Variants in NOX4 observed in about 807,000 individuals in gnomAD.
The protein encoded by NOX4 is NADPH oxidase 4.
A neutral mutation model predicts 87.6 loss-of-function variants in NOX4; 69 were observed. The observed-to-expected ratio is 0.79, with a 90% confidence interval of 0.65 to 0.96. NOX4 has a LOEUF of 0.96. NOX4 is among the 40% of genes least tolerant of loss of function. The probability of loss-of-function intolerance (pLI) is 0.00; values close to 1 mark genes in which losing one functional copy is unlikely to be tolerated. For synonymous variants in NOX4, 275 were observed against 238.2 expected, an observed-to-expected ratio of 1.15 and a Z score of -1.42; for missense variants, 680 against 681.5, an observed-to-expected ratio of 1.00 and a Z score of 0.02.
At chr11:89,452,352 C>A (rs2135390739) in intron 2 of NOX4, among the ~76,000 whole-genome samples, 1 of 152,228 alleles carries the variant, frequency 6.6e-6, no homozygotes. Context: ...ACAACCCACC[C>A]ATTTACACAC....
chr11:89,442,637 A>G (rs542463111), intron 5 of NOX4, among the ~76,000 whole-genome samples: 3 of 152,270 alleles, frequency 2.0e-5, no homozygotes, highest in Non-Finnish European at 2.9e-5. Context: ...AATATCAGAA[A>G]AAAACATAAT....
intron 2 of NOX4, among the ~76,000 whole-genome samples, chr11:89,472,405 C>A (rs1274463163): frequency 6.6e-6 from 1 of 151,370 alleles, no homozygotes; most frequent in Non-Finnish European, 1.5e-5. Flanking sequence ...GCTATCAATT[C>A]TAAAGAAAAA....
chr11:89,337,560 T>C, intron 15 of NOX4, 45 bp from the exon 16 acceptor site: 1 of 1,600,052 alleles, frequency 6.2e-7, no homozygotes, highest in Non-Finnish European at 8.5e-7. Context: ...ATTCTGTGGG[T>C]ATACTCAGAT....
At chr11:89,503,956 C>A in the NOX4 span, among the ~76,000 whole-genome samples, 1 of 150,184 alleles carries the variant, frequency 6.7e-6, no homozygotes, top group South Asian at 2.1e-4. Flanking sequence ...AAAGACATAG[C>A]CTATGGTAAT....
At chr11:89,403,656 T>C (rs562675560) in intron 8 of NOX4, among the ~76,000 whole-genome samples, 5 of 152,024 alleles carry the variant, frequency 3.3e-5, no homozygotes, top group Non-Finnish European at 5.9e-5. Context: ...GCAGGAGAAT[T>C]GCTTGAACCC....
intron 2 of NOX4, among the ~76,000 whole-genome samples, chr11:89,470,321 A>G (rs1565331908): frequency 1.3e-5 from 2 of 152,116 alleles, no homozygotes; most frequent in African/African-American, 2.4e-5. Context: ...TTGGAAAGTG[A>G]CATTCTCATT....
intron 4 of NOX4, among the ~76,000 whole-genome samples, chr11:89,446,645 T>A (rs1391503402): frequency 6.6e-6 from 1 of 152,158 alleles, no homozygotes; most frequent in African/African-American, 2.4e-5. Flanking sequence ...TGATTCCAAC[T>A]ATATTGCATT....
chr11:89,450,334 A>G (rs1591288107), intron 3 of NOX4, among the ~76,000 whole-genome samples: 1 of 152,202 alleles, frequency 6.6e-6, no homozygotes, highest in South Asian at 2.1e-4. Context: ...CATTAAATTC[A>G]TAGAACATCA....
At chr11:89,503,324 A>G in the NOX4 span, among the ~76,000 whole-genome samples, 1 of 151,996 alleles carries the variant, frequency 6.6e-6, no homozygotes, top group Admixed American at 6.6e-5. Context: ...AATTCTATTT[A>G]TGGTAATTAT....
At chr11:89,465,981 G>T (rs1945676190) in intron 2 of NOX4, among the ~76,000 whole-genome samples, 1 of 152,066 alleles carries the variant, frequency 6.6e-6, no homozygotes, top group African/African-American at 2.4e-5. Flanking sequence ...CACAGCAAAA[G>T]GATTAATGCC....
intron 11 of NOX4, among the ~76,000 whole-genome samples, chr11:89,383,482 G>C (rs547362938): frequency 1.3e-5 from 2 of 152,178 alleles, no homozygotes; most frequent in Admixed American, 6.5e-5. Flanking sequence ...CGCCTCTGAA[G>C]CCTCCTGGAC....
At chr11:89,394,774 T>C (rs997969882) in intron 11 of NOX4, among the ~76,000 whole-genome samples, 3 of 152,142 alleles carry the variant, frequency 2.0e-5, no homozygotes, top group East Asian at 3.9e-4. Flanking sequence ...GTCCTTGTGA[T>C]AGTTTGCTCA....
chr11:89,572,650 C>T, the NOX4 span, among the ~76,000 whole-genome samples: 30 of 152,076 alleles, frequency 2.0e-4, no homozygotes, highest in Non-Finnish European at 3.4e-4. Flanking sequence ...CCCGGGTTCA[C>T]GCCATTCTCC....
the NOX4 span, among the ~76,000 whole-genome samples, chr11:89,516,941 C>T: frequency 2.6e-5 from 4 of 151,956 alleles, no homozygotes; most frequent in Non-Finnish European, 5.9e-5. Flanking sequence ...AAAACAAACT[C>T]AATGGCAGTG....
intron 4 of NOX4, among the ~76,000 whole-genome samples, chr11:89,445,339 T>TCACA (rs201527966): frequency 1.4e-4 from 21 of 150,382 alleles, no homozygotes; most frequent in Non-Finnish European, 2.1e-4. Context: ...TCTAAGGTAC[T>TCACA]CACACACACA....
the NOX4 span, among the ~76,000 whole-genome samples, chr11:89,519,240 G>A: frequency 6.6e-6 from 1 of 151,876 alleles, no homozygotes; most frequent in Non-Finnish European, 1.5e-5. Flanking sequence ...AGGGAGTTAG[G>A]GAAAGTTGTT....
chr11:89,449,636 T>A, intron 3 of NOX4, 112 bp from the exon 4 acceptor site: 1 of 711,136 alleles, frequency 1.4e-6, no homozygotes, highest in Non-Finnish European at 2.3e-6. Flanking sequence ...GGAAGCCTAT[T>A]AATCAAAAAT....
intron 2 of NOX4, among the ~76,000 whole-genome samples, chr11:89,473,834 A>G (rs1946052915): frequency 6.6e-6 from 1 of 152,152 alleles, no homozygotes; most frequent in African/African-American, 2.4e-5. Context: ...AAAAAACAAA[A>G]CACTGCCTCC....
At chr11:89,510,530 G>T in the NOX4 span, among the ~76,000 whole-genome samples, 27 of 152,104 alleles carry the variant, frequency 1.8e-4, no homozygotes, top group Admixed American at 5.2e-4. Flanking sequence ...TCTTGCAAAA[G>T]AATGTGGAAT....
Sources: allele counts gnomAD v4.1 joint callset (sites outside exome capture counted in the v4.1 genomes callset), GRCh38; gene constraint gnomAD v4.1.1; transcripts MANE v1.5; gene names NCBI Gene and HGNC (gene_info 2026-07-23, HGNC 2026-07-21).